Variants in MAP3K3 observed in about 807,000 individuals in gnomAD.
The protein encoded by MAP3K3 is mitogen-activated protein kinase kinase kinase 3.
Under a neutral mutation model 80.9 loss-of-function variants are expected in MAP3K3, and 12 were observed. That is an observed-to-expected ratio of 0.15 (90% CI 0.10 to 0.24). The LOEUF (loss-of-function observed/expected upper bound fraction) is 0.24. MAP3K3 is among the 10% of genes least tolerant of loss of function. MAP3K3 has a pLI of 1.00. For synonymous variants in MAP3K3, 272 were observed against 307.1 expected, an observed-to-expected ratio of 0.89 and a Z score of 1.19; for missense variants, 596 against 834.7, an observed-to-expected ratio of 0.71 and a Z score of 3.52.
intron 6 of MAP3K3, among the ~76,000 whole-genome samples, chr17:63,680,925 C>T (rs746153464): frequency 3.3e-5 from 5 of 151,398 alleles, no homozygotes; most frequent in Non-Finnish European, 5.9e-5. Flanking sequence ...GTAAAAATAC[C>T]TTGTGGAATG....
chr17:63,685,552 G>A lies in MAP3K3; in HGVS notation c.672G>A (p.Leu224=), dbSNP rs1490181764. ...CCCTGAGCAGTGCAGAAAATTCCTT[G>A]TCTGGAAGCTGCCAATCCTTGGACA... ...LDPLSSAENS[L]SGSCQSLDRS... Residue 224 remains leucine (L), a synonymous_variant, in exon 8 of 16, where the codon TTG becomes TTA. Coordinates refer to ENST00000361733, the MANE Select transcript of MAP3K3 (RefSeq NM_002401.5). 6.2e-7 allele frequency: 1 copy of A among 1,614,160 alleles called. No homozygotes were observed. The highest frequency in any genetic ancestry group is 8.5e-7 in the Non-Finnish European group (1 of 1,180,040).
intron 3 of MAP3K3, among the ~76,000 whole-genome samples, chr17:63,648,547 C>T (rs904933133): frequency 7.9e-5 from 12 of 152,088 alleles, no homozygotes; most frequent in Non-Finnish European, 1.2e-4. Context: ...CAGTCTGGGC[C>T]GGGTGTGGTG....
intron 3 of MAP3K3, among the ~76,000 whole-genome samples, chr17:63,648,407 T>C (rs2034582055): frequency 6.6e-6 from 1 of 152,214 alleles, no homozygotes; most frequent in Non-Finnish European, 1.5e-5. Flanking sequence ...GATTTGCTAT[T>C]AGGCATTAAT....
At chr17:63,630,277 T>C (rs1259119529) in intron 1 of MAP3K3, among the ~76,000 whole-genome samples, 1 of 152,202 alleles carries the variant, frequency 6.6e-6, no homozygotes, top group Non-Finnish European at 1.5e-5. Context: ...TTAGATGTTA[T>C]GCTCTAGTTT....
intron 2 of MAP3K3, among the ~76,000 whole-genome samples, chr17:63,640,477 G>A (rs994105206): frequency 1.3e-5 from 2 of 152,138 alleles, no homozygotes; most frequent in African/African-American, 4.8e-5. Flanking sequence ...GATCCAAACA[G>A]TACTACAAAC....
At position 63,622,626 on chromosome 17, in the gene MAP3K3, G is replaced by C. The variant is rs1367586344; in HGVS notation, c.-134G>C. On this transcript the variant is annotated 5_prime_UTR_variant, in exon 1 of 16. Coordinates refer to ENST00000361733, the MANE Select transcript of MAP3K3 (RefSeq NM_002401.5). ...GCCGGAGCCTGGGGAGGCGGCGGGG[G>C]CCCAGAGCGCAGCCCGCGCCCCCCG... The C allele has an allele frequency of 1.1e-5, 2 of 184,120 alleles. No homozygotes were observed. Among genetic ancestry groups the C allele is most frequent in the Non-Finnish European group, 2.1e-5 (2 of 93,174 alleles). 11.4% of individuals were successfully genotyped at this position (184,120 alleles called of 1,614,324 possible).
intron 12 of MAP3K3, 90 bp downstream of exon 12, chr17:63,690,502 G>T (rs567965559): frequency 2.9e-6 from 4 of 1,400,142 alleles, no homozygotes; most frequent in Non-Finnish European, 3.0e-6. Context: ...AGATGCTGTA[G>T]GTTGCTTCCT....
At chr17:63,664,137 C>T (rs893891850) in intron 5 of MAP3K3, among the ~76,000 whole-genome samples, 1 of 148,496 alleles carries the variant, frequency 6.7e-6, no homozygotes, top group African/African-American at 2.5e-5. Context: ...GTCCCAGCTA[C>T]TTGGGAGGCT....
chr17:63,626,606 A>G (rs1016302192), intron 1 of MAP3K3, among the ~76,000 whole-genome samples: 2 of 152,234 alleles, frequency 1.3e-5, no homozygotes, highest in East Asian at 1.9e-4. Context: ...CAAAGGTTCA[A>G]CCATTTCTTG....
At chr17:63,643,961 A>T (rs2034493981) in intron 2 of MAP3K3, among the ~76,000 whole-genome samples, 1 of 152,200 alleles carries the variant, frequency 6.6e-6, no homozygotes, top group South Asian at 2.1e-4. Flanking sequence ...CAGGGTTCAA[A>T]TCCTACCTCT....
At position 63,694,257 on chromosome 17, in the gene MAP3K3, G is replaced by A. The variant is rs2035649082; in HGVS notation, c.*480G>A. ...TCCCACAAGCCTGAGGGAAAGGCCA[G>A]CACTCGCTAGCAGTGGCAGGCAGAG... On this transcript the variant is annotated 3_prime_UTR_variant, in exon 16 of 16. Transcript: ENST00000361733. The A allele has an allele frequency of 6.5e-6, 1 of 153,588 alleles. No homozygotes were observed. Among genetic ancestry groups the A allele is most frequent in the African/African-American group, 2.4e-5 (1 of 41,486 alleles). The allele number at this position is 153,588 out of a possible 1,614,324, so 9.5% of individuals were successfully genotyped here. A position where few individuals can be genotyped will look rare whatever the true frequency, so the allele number is the denominator to read the frequency against.
At position 63,693,467 on chromosome 17, in the gene MAP3K3, G is replaced by T; in HGVS notation, c.1653-82G>T. On this transcript the variant is annotated intron_variant, in intron 15 of 15. Coordinates refer to ENST00000361733, the MANE Select transcript of MAP3K3 (RefSeq NM_002401.5). This position sits in a 1 kb window ranked among gnomAD's most constrained non-coding sequence, Gnocchi z 4.2. ...CTGCACCTCAGCTTGCTGTGAGAAA[G>T]GCGCCTCTTTCTGCAGTGGTGGGCA... 1 of 1,256,930 alleles carries T rather than the reference G, an allele frequency of 8.0e-7. No homozygotes were observed. Among genetic ancestry groups the T allele is most frequent in the Non-Finnish European group, 1.1e-6 (1 of 891,970 alleles). The allele number at this position is 1,256,930 out of a possible 1,614,324, so 77.9% of individuals were successfully genotyped here. A position where few individuals can be genotyped will look rare whatever the true frequency, so the allele number is the denominator to read the frequency against.
chr17:63,651,486 CA>C (rs973449068), intron 3 of MAP3K3, among the ~76,000 whole-genome samples: 11 of 151,882 alleles, frequency 7.2e-5, no homozygotes, highest in Non-Finnish European at 1.5e-4. Flanking sequence ...AACAAACAAA[CA>C]AAAAAACCCC....
In MAP3K3 at chr17:63,688,817, G is replaced by A. The variant is rs1185855352; in HGVS notation, c.807G>A (p.Gly269=). 6.2e-7 allele frequency: 1 copy of A among 1,613,800 alleles called. No homozygotes were observed. The highest frequency in any genetic ancestry group is 8.5e-7 in the Non-Finnish European group (1 of 1,179,884). The part of the protein sequence containing the change: ...SDRETQLYDK[G]VKGGTYPRRY... ...GGGAAACTCAGCTTTATGACAAAGG[G>A]GTCAAAGGTGGAACCTACCCCCGGC... Residue 269 remains glycine (G), a synonymous_variant, in exon 10 of 16, where the codon GGG becomes GGA. Transcript: ENST00000361733.
At position 63,693,869 on chromosome 17, in the gene MAP3K3, G is replaced by A. The variant is rs2035642014; in HGVS notation, c.*92G>A. On this transcript the variant is annotated 3_prime_UTR_variant, in exon 16 of 16. Transcript: ENST00000361733. This position sits in a 1 kb window ranked among gnomAD's most constrained non-coding sequence, Gnocchi z 4.2. ...TGAAGTTGCTGCTTCTCCCAGGCAA[G>A]GCTGTGGACCATGGAGTGGCAGCCC... 8.6e-7 allele frequency: 1 copy of A among 1,163,628 alleles called. No individual in the cohort carries two copies. The highest frequency in any genetic ancestry group is 1.2e-6 in the Non-Finnish European group (1 of 823,570). The allele number at this position is 1,163,628 out of a possible 1,614,324, so 72.1% of individuals were successfully genotyped here.
chr17:63,689,704 C>G lies in MAP3K3; in HGVS notation c.1032C>G (p.Leu344=). Residue 344 remains leucine (L), a synonymous_variant, in exon 11 of 16, where the codon CTC becomes CTG. Transcript: ENST00000361733. This position sits in a 1 kb window ranked among gnomAD's most constrained non-coding sequence, Gnocchi z 4.3. The part of the protein sequence containing the change: ...RLRSADSENA[L]SVQERNVPTK... ...GGAGTGCGGACAGCGAGAATGCCCT[C>G]TCTGTGCAGGAGAGGAATGTGCCAA... The G allele has an allele frequency of 6.2e-7, 1 of 1,613,820 alleles. No homozygotes were observed. The highest frequency in any genetic ancestry group is 8.5e-7 in the Non-Finnish European group (1 of 1,179,870).
At chr17:63,682,159 C>T (rs565177672) in intron 7 of MAP3K3, among the ~76,000 whole-genome samples, 2 of 152,176 alleles carry the variant, frequency 1.3e-5, no homozygotes, top group Non-Finnish European at 2.9e-5. Context: ...TTTTCTTCAT[C>T]GTGGTCCTCT....
In MAP3K3 at chr17:63,681,781, G is replaced by A; in HGVS notation, c.518G>A (p.Gly173Asp). The A allele has an allele frequency of 1.3e-6, 2 of 1,516,768 alleles. No homozygotes were observed. The highest frequency in any genetic ancestry group is 1.8e-6 in the Non-Finnish European group (2 of 1,126,646). The allele number at this position is 1,516,768 out of a possible 1,614,324, so 94.0% of individuals were successfully genotyped here. ...TGTGCTCTAGGCTCCCAGAACCCTG[G>A]CCGAAGCTCACCTCCCCCTGGCTAT... is the stretch of plus-strand genomic sequence containing the variant. ...RHLSVSSQNP[G>D]RSSPPPGYVP... Residue 173 changes from glycine (G) to aspartate (D), a missense_variant, in exon 7 of 16, where the codon GGC (glycine) becomes GAC (aspartate). Gly to Asp is a moderately conservative substitution (Grantham distance 94, BLOSUM62 -1). This residue lies in a region of MAP3K3 where 232 missense variants were observed against 245.8 expected (regional missense o/e 0.94). Transcript: ENST00000361733.
chr17:63,663,306 C>T (rs1056249938), intron 5 of MAP3K3, among the ~76,000 whole-genome samples: 5 of 151,852 alleles, frequency 3.3e-5, no homozygotes, highest in Non-Finnish European at 5.9e-5. Context: ...AATTTGATAC[C>T]GGCCTGACCA....
Sources: allele counts gnomAD v4.1 joint callset (sites outside exome capture counted in the v4.1 genomes callset), GRCh38; gene constraint gnomAD v4.1.1; regional missense constraint gnomAD v4.1.1; non-coding constraint Gnocchi (gnomAD v3.1); transcripts MANE v1.5; gene names NCBI Gene and HGNC (gene_info 2026-07-23, HGNC 2026-07-21).